Variants in MKI67 observed in about 807,000 individuals in gnomAD.
MKI67 encodes the protein proliferation marker protein Ki-67.
Under a neutral mutation model 233.5 loss-of-function variants are expected in MKI67, and 152 were observed. The observed-to-expected ratio is 0.65, with a 90% CI of 0.57 to 0.74. The LOEUF (loss-of-function observed/expected upper bound fraction) is 0.74. MKI67 is among the 30% of genes least tolerant of loss of function. The probability of loss-of-function intolerance (pLI) is 0.00; values close to 1 mark genes in which losing one functional copy is unlikely to be tolerated. For synonymous variants in MKI67, 1,465 were observed against 1,418.5 expected (o/e 1.03, Z -0.74); for missense variants, 3,940 against 3,885.2 (o/e 1.01, Z -0.37).
chr10:128,101,483 T>C lies in MKI67; in HGVS notation c.9480A>G (p.Arg3160=), dbSNP rs1852332551. The change falls in exon 14 of 15, where the codon AGA becomes AGG. Residue 3160 remains arginine, a synonymous_variant. Coordinates refer to ENST00000368654, the MANE Select transcript of MKI67 (RefSeq NM_002417.5). ...TENKRCLRSA[R]QNESSQPKVA... is the part of the protein sequence containing the mutation. ...CCTTAGGCTGGGAGCTCTCATTCTG[T>C]CTAGCAGACCTCAAGCACCTTTTGT... 9 of 1,614,246 alleles carry C rather than the reference T, an allele frequency of 5.6e-6. No homozygotes were observed. The East Asian group carries it at 2.0e-4, about 36-fold the overall frequency.
rs1393277485 is a variant in MKI67, at chr10:128,105,903, T to C, written c.5937A>G (p.Val1979=). Residue 1979 remains valine (V), a synonymous_variant, in exon 13 of 15, where the codon GTA becomes GTG. Coordinates refer to ENST00000368654, the MANE Select transcript of MKI67 (RefSeq NM_002417.5). ...ESMTDDKITE[V]SCKSPQPDPV... ...GGTCTGGTTGTGGAGATTTGCAGGA[T>C]ACTTCTGTGATTTTGTCATCGGTCA... 4.3e-6 allele frequency: 7 copies of C among 1,613,868 alleles called. No individual in the cohort carries two copies. Among genetic ancestry groups the C allele is most frequent in the Non-Finnish European group, 5.9e-6 (7 of 1,180,008 alleles).
chr10:128,108,084 G>T lies in MKI67; in HGVS notation c.3756C>A (p.Asp1252Glu), dbSNP rs36054510. The T allele has an allele frequency of 1.9e-6, 3 of 1,611,158 alleles. No individual in the cohort carries two copies. The East Asian group carries it at 6.7e-5, about 36-fold the overall frequency. ...TGTCCACTGGGTCTGACTGTGGAGAGTCGCAGGGTATTTTAGTGGTTTTAC... is the reference window on the plus strand; with the variant it reads ...TGTCCACTGGGTCTGACTGTGGAGATTCGCAGGGTATTTTAGTGGTTTTAC... Reference protein sequence around the residue: ...AAGKTTKIPCDSPQSDPVDTP... With the variant: ...AAGKTTKIPCESPQSDPVDTP... Residue 1252 changes from aspartate (D) to glutamate (E), a missense_variant, in exon 13 of 15, where the codon GAC becomes GAA. By Grantham distance (45) the Asp-to-Glu change is conservative. Transcript: ENST00000368654.
Position 128,105,717 on chromosome 10 carries a change from C to A in MKI67, c.6123G>T (p.Ala2041=). Residue 2041 remains alanine (A), a synonymous_variant, in exon 13 of 15, where the codon GCG becomes GCT. Coordinates refer to ENST00000368654, the MANE Select transcript of MKI67 (RefSeq NM_002417.5). Reference sequence around the variant, plus strand: ...GCATCTGCTTTGCAGATTCCTTAAACGCTTTGATGCTCTTTCCATCTCCTG... The same window carrying A: ...GCATCTGCTTTGCAGATTCCTTAAAAGCTTTGATGCTCTTTCCATCTCCTG... The part of the protein sequence containing the change: ...ETAGDGKSIK[A]FKESAKQMLD... 6.2e-7 allele frequency: 1 copy of A among 1,614,130 alleles called. No homozygotes were observed. The highest frequency in any genetic ancestry group is 8.5e-7 in the Non-Finnish European group (1 of 1,180,030).
chr10:128,102,967 A>G lies in MKI67; in HGVS notation c.8873T>C (p.Ile2958Thr), dbSNP rs1175526019. ...AGGGGCCCGAAGAACTCTTCTGGATATTTTTAGAGGTTTTCCACTGTCAGG... is the reference window on the plus strand; with the variant it reads ...AGGGGCCCGAAGAACTCTTCTGGATGTTTTTAGAGGTTTTCCACTGTCAGG... Reference protein sequence around the residue: ...QTPDSGKPLKISRRVLRAPKV... With the variant: ...QTPDSGKPLKTSRRVLRAPKV... Residue 2958 changes from isoleucine to threonine, a missense_variant, in exon 13 of 15, where the codon ATA becomes ACA. Physicochemically the swap from Ile to Thr is moderately conservative, Grantham distance 89. Transcript: ENST00000368654. 19 of 1,614,028 alleles carry G rather than the reference A, an allele frequency of 1.2e-5. No individual in the cohort carries two copies. Among genetic ancestry groups the G allele is most frequent in the Non-Finnish European group, 1.5e-5 (18 of 1,180,036 alleles).
At position 128,111,638 on chromosome 10, in the gene MKI67, T is replaced by A. The variant is rs1293608493; in HGVS notation, c.2260+7A>T. The stretch of plus-strand genomic sequence containing the variant: ...AAGATTTATAAGATCTAAGACTACG[T>A]TTTTACCTGAAAGATCTTCCTTAAA... On this transcript the variant is annotated splice_region_variant and intron_variant, in intron 11 of 14. Transcript: ENST00000368654. 6.2e-7 allele frequency: 1 copy of A among 1,607,828 alleles called. No homozygotes were observed.
In MKI67 at chr10:128,115,242, G is replaced by A. The variant is rs755905058; in HGVS notation, c.1166C>T (p.Thr389Ile). ...AGTTGAAAGCTTCCTGGGAGTAAGA[G>A]TTTTATCACCAGCCTTGAAGCCTTC... ...KSEGFKAGDK[T>I]LTPRKLSTRN... The change falls in exon 7 of 15, where the codon ACT (threonine) becomes ATT (isoleucine). Residue 389 changes from threonine to isoleucine, a missense_variant. Transcript: ENST00000368654. 9.3e-6 allele frequency: 15 copies of A among 1,614,118 alleles called. No individual in the cohort carries two copies. The highest frequency in any genetic ancestry group is 1.2e-5 in the Non-Finnish European group (14 of 1,180,052).
Position 128,104,237 on chromosome 10 carries a change from G to A in MKI67, c.7603C>T (p.Pro2535Ser). The change falls in exon 13 of 15, where the codon CCA becomes TCA. Residue 2535 changes from proline (P) to serine (S), a missense_variant. By Grantham distance (74) the Pro-to-Ser change is moderately conservative. Coordinates refer to ENST00000368654, the MANE Select transcript of MKI67 (RefSeq NM_002417.5). ...CTGCTACCAGTTACACTTGCTGCTGGGTCCAGGATCTGCTTTGGAGACTCC... is the reference window on the plus strand; with the variant it reads ...CTGCTACCAGTTACACTTGCTGCTGAGTCCAGGATCTGCTTTGGAGACTCC... ...FKESPKQILD[P>S]AASVTGSRRQ... The A allele has an allele frequency of 6.2e-7, 1 of 1,614,016 alleles. No individual in the cohort carries two copies. Among genetic ancestry groups the A allele is most frequent in the Non-Finnish European group, 8.5e-7 (1 of 1,180,020 alleles).
In MKI67 at chr10:128,105,611, C is replaced by T. The variant is rs775324887; in HGVS notation, c.6229G>A (p.Ala2077Thr). Residue 2077 changes from alanine (A) to threonine (T), a missense_variant, in exon 13 of 15, where the codon GCC becomes ACC. Coordinates refer to ENST00000368654, the MANE Select transcript of MKI67 (RefSeq NM_002417.5). ...KEEAQSLEDL[A>T]GFKELFQTPD... The stretch of plus-strand genomic sequence containing the variant: ...GTCTGGAAGAGCTCTTTGAAGCCGG[C>T]CAGGTCTTCTAGTGATTGGGCCTCT... 16 of 1,613,950 alleles carry T rather than the reference C, an allele frequency of 9.9e-6. No homozygotes were observed. The South Asian group carries it at 1.6e-4, about 17-fold the overall frequency.
Position 128,106,283 on chromosome 10 carries a change from T to C in MKI67, c.5557A>G (p.Thr1853Ala), listed in dbSNP as rs924567997. ...CTDNPTTDEK[T>A]TKKILCKSPQ... is the part of the protein sequence containing the mutation. ...GATTTGCAGAGTATTTTTTTGGTAG[T>C]TTTCTCATCAGTCGTGGGGTTATCA... is the stretch of plus-strand genomic sequence containing the variant. Residue 1853 changes from threonine to alanine, a missense_variant, in exon 13 of 15, where the codon ACT (threonine) becomes GCT (alanine). By Grantham distance (58) the Thr-to-Ala change is moderately conservative. Transcript: ENST00000368654. 3.1e-6 allele frequency: 5 copies of C among 1,613,806 alleles called. No individual in the cohort carries two copies. The highest frequency in any genetic ancestry group is 4.2e-6 in the Non-Finnish European group (5 of 1,179,964).
In MKI67 at chr10:128,098,917, A is replaced by G; in HGVS notation, c.*273T>C. The G allele has an allele frequency of 3.5e-6, 1 of 289,054 alleles. No homozygotes were observed. Among genetic ancestry groups the G allele is most frequent in the Non-Finnish European group, 6.5e-6 (1 of 155,002 alleles). The allele number at this position is 289,054 out of a possible 1,614,324, so 17.9% of individuals were successfully genotyped here. A position where few individuals can be genotyped will look rare whatever the true frequency, so the allele number is the denominator to read the frequency against. On this transcript the variant is annotated 3_prime_UTR_variant, in exon 15 of 15. Coordinates refer to ENST00000368654, the MANE Select transcript of MKI67 (RefSeq NM_002417.5). ...GTAGGGTGGCTGTGGGTGGTGACAGACCTCAAGGCTTCATTCTGCAAAGCT... is the reference window on the plus strand; with the variant it reads ...GTAGGGTGGCTGTGGGTGGTGACAGGCCTCAAGGCTTCATTCTGCAAAGCT...
rs758356895 is a variant in MKI67 at position 128,101,375 on chromosome 10, G to A, written c.9588C>T (p.Asp3196=). The change falls in exon 14 of 15, where the codon GAC becomes GAT. Residue 3196 remains aspartate, a synonymous_variant. Coordinates refer to ENST00000368654, the MANE Select transcript of MKI67 (RefSeq NM_002417.5). ...QKGKGEAGNS[D]SMCLRSRKTK... ...TCTTTCTTGATCTCAGGCACATGGA[G>A]TCTGAATTTCCTGCTTCTCCTTTCC... 6.2e-7 allele frequency: 1 copy of A among 1,614,198 alleles called. No individual in the cohort carries two copies.
Position 128,110,469 on chromosome 10 carries a change from G to T in MKI67, c.2325C>A (p.Ile775=). 6.3e-7 allele frequency: 1 copy of T among 1,587,170 alleles called. No homozygotes were observed. The highest frequency in any genetic ancestry group is 8.6e-7 in the Non-Finnish European group (1 of 1,158,682). ...EQPQLTSTCH[I]AISNSENLLG... Reference sequence around the variant, plus strand: ...GCAAATTCTCTGAATTTGAAATAGCGATGTGACATGTGCTTGTCAACTGCG... The same window carrying T: ...GCAAATTCTCTGAATTTGAAATAGCTATGTGACATGTGCTTGTCAACTGCG... Residue 775 remains isoleucine (I), a synonymous_variant, in exon 12 of 15, where the codon ATC becomes ATA. Coordinates refer to ENST00000368654, the MANE Select transcript of MKI67 (RefSeq NM_002417.5).
At position 128,106,022 on chromosome 10, in the gene MKI67, G is replaced by A. The variant is rs146273614; in HGVS notation, c.5818C>T (p.Arg1940Trp). Reference sequence around the variant, plus strand: ...GCCTTTTCTTTAGGAGTTTGTGGCCGTCTCTTGCTGCCAGGTAAATTTCCT... The same window carrying A: ...GCCTTTTCTTTAGGAGTTTGTGGCCATCTCTTGCTGCCAGGTAAATTTCCT... Reference protein sequence around the residue: ...LLGNLPGSKRRPQTPKEKAKA... With the variant: ...LLGNLPGSKRWPQTPKEKAKA... Residue 1940 changes from arginine (R) to tryptophan (W), a missense_variant, in exon 13 of 15, where the codon CGG (arginine) becomes TGG (tryptophan). Coordinates refer to ENST00000368654, the MANE Select transcript of MKI67 (RefSeq NM_002417.5). The A allele has an allele frequency of 7.3e-3, 11,767 of 1,614,116 alleles. 66 individuals are homozygous for A. Among genetic ancestry groups the A allele is most frequent in the Middle Eastern group, 0.011 (68 of 6,062 alleles).
chr10:128,121,610 A>G (rs867933618), intron 4 of MKI67, among the ~76,000 whole-genome samples: 3 of 133,606 alleles, frequency 2.2e-5, no homozygotes, highest in African/African-American at 5.5e-5. Context: ...TAATAATTAT[A>G]TATTACATAT....
At chr10:128,117,895 G>C (rs796071468) in intron 5 of MKI67, among the ~76,000 whole-genome samples, 4 of 152,316 alleles carry the variant, frequency 2.6e-5, no homozygotes, top group African/African-American at 9.6e-5. Context: ...TCACAGACCA[G>C]TAACAGAACA....
chr10:128,113,497 C>T lies in MKI67; in HGVS notation c.1586G>A (p.Arg529Lys). 2.5e-6 allele frequency: 4 copies of T among 1,614,132 alleles called. No individual in the cohort carries two copies. Among genetic ancestry groups the T allele is most frequent in the Non-Finnish European group, 3.4e-6 (4 of 1,180,032 alleles). Residue 529 changes from arginine to lysine, a missense_variant, in exon 8 of 15, where the codon AGG (arginine) becomes AAG (lysine). By Grantham distance (26) the Arg-to-Lys change is conservative. Coordinates refer to ENST00000368654, the MANE Select transcript of MKI67 (RefSeq NM_002417.5). ...CTTTCTTTTGGTTGGGGCTTCTCCC[C>T]TTTTGAGAGGCGTATTAGGAGGCAA... ...ENLPPNTPLK[R>K]GEAPTKRKSL...
Position 128,112,012 on chromosome 10 carries a change from C to T in MKI67, c.2003G>A (p.Gly668Asp), listed in dbSNP as rs528623735. ...AKSWADVVKL[G>D]AKQTQTKVIK... ...GACTTTAGTTTGTGTTTGTTTTGCA[C>T]CAAGTTTTACTACATCTGCCCATGA... is the stretch of plus-strand genomic sequence containing the variant. Residue 668 changes from glycine (G) to aspartate (D), a missense_variant, in exon 10 of 15, where the codon GGT becomes GAT. Transcript: ENST00000368654. 1.2e-6 allele frequency: 2 copies of T among 1,613,294 alleles called. No individual in the cohort carries two copies. Among genetic ancestry groups the T allele is most frequent in the African/African-American group, 2.7e-5 (2 of 74,952 alleles).
intron 2 of MKI67, among the ~76,000 whole-genome samples, chr10:128,124,604 C>A (rs1853017129): frequency 6.6e-6 from 1 of 152,178 alleles, no homozygotes; most frequent in Non-Finnish European, 1.5e-5. Flanking sequence ...CTATGCCAGA[C>A]ACCATCCCTG....
In MKI67 at chr10:128,107,344, T is replaced by G. The variant is rs376446129; in HGVS notation, c.4496A>C (p.Asp1499Ala). The G allele has an allele frequency of 6.2e-7, 1 of 1,613,960 alleles. No homozygotes were observed. The highest frequency in any genetic ancestry group is 8.5e-7 in the Non-Finnish European group (1 of 1,180,000). ...TTKIACRSQPDPVDTPTSSKP... is the reference protein window; with the variant it reads ...TTKIACRSQPAPVDTPTSSKP... ...GGAGCTTGTTGGTGTGTCCACTGGG[T>G]CTGGTTGTGATCTGCAGGCTATTTT... The change falls in exon 13 of 15, where the codon GAC becomes GCC. Residue 1499 changes from aspartate to alanine, a missense_variant. Asp to Ala is a moderately radical substitution (Grantham distance 126). Coordinates refer to ENST00000368654, the MANE Select transcript of MKI67 (RefSeq NM_002417.5).
Sources: allele counts gnomAD v4.1 joint callset (sites outside exome capture counted in the v4.1 genomes callset), GRCh38; gene constraint gnomAD v4.1.1; transcripts MANE v1.5; gene names NCBI Gene and HGNC (gene_info 2026-07-23, HGNC 2026-07-21).